CACNA1E: variants seen among roughly 807,000 people sequenced by gnomAD.
CACNA1E encodes the protein voltage-dependent R-type calcium channel subunit alpha-1E.
CACNA1E carries 40 observed loss-of-function variants against 259.2 expected under a neutral mutation model. The observed-to-expected ratio is 0.15, with a 90% confidence interval of 0.12 to 0.20. CACNA1E has a LOEUF of 0.20. Among genes scored for constraint, CACNA1E ranks in the 10% least tolerant of loss-of-function variants. The pLI is 1.00. For synonymous variants in CACNA1E, 1,104 were observed against 1,138.5 expected (o/e 0.97, Z 0.61); for missense variants, 1,874 against 3,040.1 (o/e 0.62, Z 9.02).
At chr1:181,400,620 C>T (rs1041281730) in intron 1 of CACNA1E, among the ~76,000 whole-genome samples, 3 of 152,202 alleles carry the variant, frequency 2.0e-5, no homozygotes, top group South Asian at 2.1e-4. Context: ...GTCCCCGTGC[C>T]CCTCTTTGGC....
chr1:181,530,230 C>T (rs570523812), intron 3 of CACNA1E, among the ~76,000 whole-genome samples: 3 of 152,262 alleles, frequency 2.0e-5, no homozygotes, highest in African/African-American at 7.2e-5. Flanking sequence ...TAAGAAGTGC[C>T]TTTCACCTCC....
chr1:181,670,006 C>T (rs984385469), intron 7 of CACNA1E, among the ~76,000 whole-genome samples: 5 of 152,200 alleles, frequency 3.3e-5, no homozygotes, highest in Non-Finnish European at 7.3e-5. Flanking sequence ...ATTCACTTCA[C>T]TATAGCTTTG....
intron 1 of CACNA1E, among the ~76,000 whole-genome samples, chr1:181,505,698 A>G (rs1272257231): frequency 6.6e-6 from 1 of 151,882 alleles, no homozygotes; most frequent in Admixed American, 6.6e-5. Flanking sequence ...TTAAACATGA[A>G]AGGGATCTTC....
Sources: gnomAD v4.1 joint callset for allele counts (sites outside exome capture counted in the v4.1 genomes callset) on GRCh38, gnomAD v4.1.1 for gene constraint, MANE v1.5 for transcripts, NCBI Gene and HGNC (gene_info 2026-07-23, HGNC 2026-07-21) for gene names.